The following MALRD1 variants were observed in gnomAD, a reference collection of about 807,000 sequenced individuals.
MALRD1 encodes the protein MAM and LDL-receptor class A domain-containing protein 1.
MALRD1 carries 247 observed loss-of-function variants against 242.1 expected under a neutral mutation model. The ratio of observed to expected loss-of-function variants is 1.02; its 90% CI spans 0.92 to 1.13. The LOEUF (loss-of-function observed/expected upper bound fraction) is 1.13, where lower values mean the gene tolerates loss of function less well. MALRD1 is among the 50% of genes most tolerant of loss of function. The pLI, the probability that MALRD1 is intolerant of heterozygous loss-of-function variation, is 0.00. For missense variants in MALRD1, 2,989 were observed against 2,533.1 expected (o/e 1.18, Z -3.86); for synonymous variants, 995 against 866.6 (o/e 1.15, Z -2.60).
At chr10:19,197,925 C>G (rs1003252341) in intron 14 of MALRD1, among the ~76,000 whole-genome samples, 3 of 152,146 alleles carry the variant, frequency 2.0e-5, no homozygotes, top group Non-Finnish European at 4.4e-5. Flanking sequence ...CATGTATTTG[C>G]TAAGTTTTTG....
chr10:19,584,796 T>C (rs896582173), intron 33 of MALRD1, among the ~76,000 whole-genome samples: 24 of 152,098 alleles, frequency 1.6e-4, no homozygotes, highest in South Asian at 8.3e-4. Context: ...CTTTCTGTCT[T>C]GTTGATCTGT....
chr10:19,286,231 T>G (rs1458512025), intron 21 of MALRD1, among the ~76,000 whole-genome samples: 1 of 150,022 alleles, frequency 6.7e-6, no homozygotes, highest in Non-Finnish European at 1.5e-5. Flanking sequence ...TTTTCCTAAT[T>G]GAATACCTTT....
At chr10:19,127,323 T>A (rs1837313668) in intron 7 of MALRD1, among the ~76,000 whole-genome samples, 1 of 152,226 alleles carries the variant, frequency 6.6e-6, no homozygotes, top group African/African-American at 2.4e-5. Flanking sequence ...TGATTTACTG[T>A]GCAAAAGACA....
chr10:19,187,531 G>C (rs1366354386), intron 14 of MALRD1, among the ~76,000 whole-genome samples: 1 of 152,082 alleles, frequency 6.6e-6, no homozygotes, highest in Admixed American at 6.6e-5. Flanking sequence ...CAATAGCAAG[G>C]GGACCAATGT....
chr10:19,370,017 T>C (rs1845303658), intron 26 of MALRD1, among the ~76,000 whole-genome samples: 1 of 152,158 alleles, frequency 6.6e-6, no homozygotes, highest in Non-Finnish European at 1.5e-5. Flanking sequence ...CTATATTTTC[T>C]TGGATGTTTT....
At chr10:19,684,082 C>T (rs1033348894) in intron 36 of MALRD1, among the ~76,000 whole-genome samples, 10 of 152,108 alleles carry the variant, frequency 6.6e-5, no homozygotes, top group Admixed American at 3.3e-4. Context: ...TGATGGTTTC[C>T]GGCTTCATCC....
At chr10:19,132,501 G>C (rs1404844061) in intron 8 of MALRD1, among the ~76,000 whole-genome samples, 1 of 152,192 alleles carries the variant, frequency 6.6e-6, no homozygotes, top group African/African-American at 2.4e-5. Flanking sequence ...TTTGGAGTAA[G>C]CATTTGAGGG....
chr10:19,325,367 A>T lies in MALRD1; in HGVS notation c.3576+1262A>T, dbSNP rs1370471142. Among the ~76,000 whole-genome samples, 3 of 150,376 alleles carry T rather than the reference A, an allele frequency of 2.0e-5. No homozygotes were observed. In the East Asian group the frequency reaches 5.9e-4, roughly 29 times the overall value. Reference sequence around the variant, plus strand: ...ATGTTACAAACTTCACCTTATTTTTATCCTGTCCTGTCTCTGGAATTAACT... The same window carrying T: ...ATGTTACAAACTTCACCTTATTTTTTTCCTGTCCTGTCTCTGGAATTAACT... On this transcript the variant is annotated intron_variant, in intron 22 of 39. Transcript: ENST00000454679.
At chr10:19,402,017 C>G (rs573085869) in intron 28 of MALRD1, among the ~76,000 whole-genome samples, 39 of 152,246 alleles carry the variant, frequency 2.6e-4, no homozygotes, top group Admixed American at 1.4e-3. Flanking sequence ...CTTTGGAAAG[C>G]CAAAAACTAC....
intron 32 of MALRD1, among the ~76,000 whole-genome samples, chr10:19,539,533 T>G (rs926400903): frequency 6.6e-6 from 1 of 152,202 alleles, no homozygotes; most frequent in African/African-American, 2.4e-5. Context: ...TTTTAAATTT[T>G]ACAAAATGGC....
intron 32 of MALRD1, among the ~76,000 whole-genome samples, chr10:19,548,957 G>T (rs1835366169): frequency 6.6e-6 from 1 of 152,184 alleles, no homozygotes; most frequent in Admixed American, 6.5e-5. Flanking sequence ...GGGGATGCAA[G>T]GGAAAAGTTC....
chr10:19,153,831 T>C (rs964373356), intron 11 of MALRD1, among the ~76,000 whole-genome samples: 3 of 152,204 alleles, frequency 2.0e-5, no homozygotes, highest in African/African-American at 7.2e-5. Context: ...ATTTAGATTT[T>C]GGCGTCTTAA....
intron 26 of MALRD1, among the ~76,000 whole-genome samples, chr10:19,382,519 T>G (rs1450674019): frequency 6.6e-6 from 1 of 152,190 alleles, no homozygotes; most frequent in East Asian, 1.9e-4. Context: ...TCAGTTAATT[T>G]TAGTAACTCT....
At chr10:19,118,332 G>T (rs144403887) in intron 5 of MALRD1, among the ~76,000 whole-genome samples, 11 of 152,322 alleles carry the variant, frequency 7.2e-5, no homozygotes, top group African/African-American at 2.6e-4. Context: ...GCCCAAGGTG[G>T]TTGGGCTACA....
chr10:19,325,772 C>T (rs990406384), intron 22 of MALRD1, among the ~76,000 whole-genome samples: 1 of 152,040 alleles, frequency 6.6e-6, no homozygotes, highest in African/African-American at 2.4e-5. Flanking sequence ...TATTAGCTTG[C>T]CAAGAAATCT....
chr10:19,528,390 C>T (rs1589198802), intron 31 of MALRD1, among the ~76,000 whole-genome samples: 1 of 152,208 alleles, frequency 6.6e-6, no homozygotes, highest in South Asian at 2.1e-4. Context: ...GTCAGGAGAT[C>T]GAGACCATCC....
chr10:19,598,761 A>T (rs2131569611), intron 34 of MALRD1, among the ~76,000 whole-genome samples: 1 of 151,950 alleles, frequency 6.6e-6, no homozygotes, highest in Non-Finnish European at 1.5e-5. Context: ...GAGATCAAAG[A>T]GAGAGGATAG....
In MALRD1 at chr10:19,249,559, G is replaced by T. The variant is rs565428515; in HGVS notation, c.2992-8125G>T. Reference sequence around the variant, plus strand: ...TTATAATGTGCTAGTTACTGTGCTGGATGCTGTGTTTGCAGCGCTTGTGTC... The same window carrying T: ...TTATAATGTGCTAGTTACTGTGCTGTATGCTGTGTTTGCAGCGCTTGTGTC... On this transcript the variant is annotated intron_variant, in intron 18 of 39. Transcript: ENST00000454679. Among the ~76,000 whole-genome samples, 7 of 152,050 alleles carry T rather than the reference G, an allele frequency of 4.6e-5. No individual in the cohort carries two copies. In the East Asian group the frequency reaches 1.2e-3, roughly 25 times the overall value.
chr10:19,277,242 C>T (rs1786510312), intron 19 of MALRD1, among the ~76,000 whole-genome samples: 1 of 152,006 alleles, frequency 6.6e-6, no homozygotes, highest in Admixed American at 6.6e-5. Flanking sequence ...TATTTCTTAT[C>T]CCTAAAAACT....
Sources: allele counts gnomAD v4.1 joint callset (sites outside exome capture counted in the v4.1 genomes callset), GRCh38; gene constraint gnomAD v4.1.1; transcripts MANE v1.5; gene names NCBI Gene and HGNC (gene_info 2026-07-23, HGNC 2026-07-21).